The following ARB2A variants were observed in gnomAD, a reference collection of about 807,000 sequenced individuals.
ARB2A encodes cotranscriptional regulator ARB2A.
the ARB2A span, among the ~76,000 whole-genome samples, chr5:94,038,830 G>A: frequency 6.6e-6 from 1 of 151,572 alleles, no homozygotes; most frequent in South Asian, 2.1e-4. Flanking sequence ...AAAACAGAAG[G>A]GGTTTTTGTT....
chr5:93,830,358 C>A, the ARB2A span, among the ~76,000 whole-genome samples: 1 of 127,960 alleles, frequency 7.8e-6, no homozygotes, highest in South Asian at 2.4e-4. Context: ...TATATCCACA[C>A]ACAATTAGAT....
At chr5:93,968,378 C>G in the ARB2A span, among the ~76,000 whole-genome samples, 1 of 152,010 alleles carries the variant, frequency 6.6e-6, no homozygotes, top group Non-Finnish European at 1.5e-5. Flanking sequence ...AACCAAGATA[C>G]AATAAAAAGT....
chr5:94,095,022 C>T, the ARB2A span, among the ~76,000 whole-genome samples: 15 of 152,190 alleles, frequency 9.9e-5, no homozygotes, highest in Admixed American at 9.8e-4. Context: ...TTTAACAATA[C>T]ACACAGAGTA....
At chr5:93,872,317 T>C in the ARB2A span, among the ~76,000 whole-genome samples, 1 of 152,174 alleles carries the variant, frequency 6.6e-6, no homozygotes, top group Non-Finnish European at 1.5e-5. Flanking sequence ...GATATGATTA[T>C]CCCTAATTTA....
the ARB2A span, among the ~76,000 whole-genome samples, chr5:94,080,510 G>A: frequency 6.6e-6 from 1 of 152,140 alleles, no homozygotes; most frequent in Non-Finnish European, 1.5e-5. Flanking sequence ...GAACCATCCA[G>A]ATGCCCCTTC....
chr5:94,053,739 C>A, the ARB2A span, among the ~76,000 whole-genome samples: 1 of 152,096 alleles, frequency 6.6e-6, no homozygotes, highest in Non-Finnish European at 1.5e-5. Flanking sequence ...ATCCATGCAA[C>A]CAAAAAAACT....
chr5:93,800,062 CAT>C, the ARB2A span, among the ~76,000 whole-genome samples: 2,878 of 152,026 alleles, frequency 0.019, 44 homozygotes, highest in Non-Finnish European at 0.029. Flanking sequence ...GGATAATGCA[CAT>C]ATCTATTTCT....
the ARB2A span, among the ~76,000 whole-genome samples, chr5:94,082,874 A>G: frequency 6.6e-6 from 1 of 152,236 alleles, no homozygotes; most frequent in Non-Finnish European, 1.5e-5. Context: ...AAAAAAGAGA[A>G]TTAGAAATTT....
chr5:93,948,658 C>A, the ARB2A span, among the ~76,000 whole-genome samples: 4 of 152,162 alleles, frequency 2.6e-5, no homozygotes, highest in Non-Finnish European at 5.9e-5. Context: ...ACGTTTAAGT[C>A]TTTAATCCAT....
the ARB2A span, among the ~76,000 whole-genome samples, chr5:93,983,928 G>A: frequency 6.6e-6 from 1 of 152,128 alleles, no homozygotes; most frequent in Non-Finnish European, 1.5e-5. Flanking sequence ...AGAAGATAAG[G>A]AGTTGTTAAA....
chr5:93,634,562 A>C, the ARB2A span, among the ~76,000 whole-genome samples: 1 of 152,174 alleles, frequency 6.6e-6, no homozygotes. Flanking sequence ...AGATACTCAA[A>C]GATCCTCCAG....
the ARB2A span, among the ~76,000 whole-genome samples, chr5:93,976,140 G>A: frequency 3.3e-5 from 5 of 151,844 alleles, no homozygotes; most frequent in East Asian, 1.9e-4. Flanking sequence ...AAACAAAAAC[G>A]ATTTTTTGTT....
chr5:94,105,667 C>T, the ARB2A span, among the ~76,000 whole-genome samples: 1 of 151,290 alleles, frequency 6.6e-6, no homozygotes, highest in Non-Finnish European at 1.5e-5. Flanking sequence ...AGCCTGAATA[C>T]CCAAAACCAT....
the ARB2A span, among the ~76,000 whole-genome samples, chr5:94,081,327 T>C: frequency 6.6e-6 from 1 of 152,186 alleles, no homozygotes; most frequent in African/African-American, 2.4e-5. Flanking sequence ...GACCCAGCAA[T>C]TCTACTTCTG....
chr5:93,673,587 C>A, the ARB2A span, among the ~76,000 whole-genome samples: 1 of 152,148 alleles, frequency 6.6e-6, no homozygotes, highest in East Asian at 1.9e-4. Flanking sequence ...ACAAACAGCC[C>A]ATAGAGAGTT....
At chr5:93,779,090 AGTGTGTGTGTGTGT>A in the ARB2A span, among the ~76,000 whole-genome samples, 172 of 143,442 alleles carry the variant, frequency 1.2e-3, no homozygotes, top group African/African-American at 3.8e-3. Flanking sequence ...GTCATTTCAG[AGTGTGTGTGTGTGT>A]GTGTGTGTGT....
At chr5:93,680,466 C>T in the ARB2A span, among the ~76,000 whole-genome samples, 840 of 152,160 alleles carry the variant, frequency 5.5e-3, 7 homozygotes, top group Non-Finnish European at 6.7e-3. Context: ...TACCAAGTAT[C>T]TTGTCTTCAA....
the ARB2A span, among the ~76,000 whole-genome samples, chr5:93,892,586 G>A: frequency 1.3e-5 from 2 of 149,830 alleles, no homozygotes; most frequent in African/African-American, 4.9e-5. Context: ...TACTACCTCT[G>A]GGGGGGGGAA....
the ARB2A span, among the ~76,000 whole-genome samples, chr5:93,651,202 C>T: frequency 0.027 from 4,077 of 151,964 alleles, 163 homozygotes; most frequent in African/African-American, 0.093. Flanking sequence ...GTGGTGCAAC[C>T]AGGGCTCAAC....
Sources: gnomAD v4.1 joint callset for allele counts (sites outside exome capture counted in the v4.1 genomes callset) on GRCh38, gnomAD v4.1.1 for gene constraint, MANE v1.5 for transcripts, NCBI Gene and HGNC (gene_info 2026-07-23, HGNC 2026-07-21) for gene names.